Variants in PJA2 observed in about 807,000 individuals in gnomAD.
PJA2 encodes E3 ubiquitin-protein ligase Praja-2.
Under a neutral mutation model 69.3 loss-of-function variants are expected in PJA2, and 25 were observed. The observed-to-expected ratio is 0.36, with a 90% confidence interval of 0.26 to 0.50. The LOEUF is 0.50. Ranked by LOEUF, PJA2 falls within the 20% of genes least tolerant of loss-of-function variation. The probability of loss-of-function intolerance (pLI) is 0.96; values close to 1 mark genes in which losing one functional copy is unlikely to be tolerated. For missense variants in PJA2, 809 were observed against 830.2 expected, an observed-to-expected ratio of 0.97 and a Z score of 0.31; for synonymous variants, 308 against 277.8, an observed-to-expected ratio of 1.11 and a Z score of -1.08.
rs531982146 is a variant in PJA2 at position 109,337,321 on chromosome 5, T to C, written c.2037A>G (p.Pro679=). 86 of 1,612,050 alleles carry C rather than the reference T, an allele frequency of 5.3e-5. No individual in the cohort carries two copies. In the South Asian group the frequency reaches 9.2e-4, roughly 17 times the overall value. The change falls in exon 10 of 10, where the codon CCA becomes CCG. Residue 679 remains proline (P), a synonymous_variant. Coordinates refer to ENST00000361189, the MANE Select transcript of PJA2 (RefSeq NM_014819.5). ...GTCPVCRRHF[P]PAVIEASAAP... ...CTGCAGATGCTTCAATAACCGCAGGTGGGAAATGACGGCGGCACACAGGGC... is the reference window on the plus strand; with the variant it reads ...CTGCAGATGCTTCAATAACCGCAGGCGGGAAATGACGGCGGCACACAGGGC...
chr5:109,408,477 G>T lies in PJA2; in HGVS notation c.-88+1365C>A, dbSNP rs1279580101. ...TAAAAAGTAAAAATGTCCAACATAT[G>T]TAATTAAGTCAATAAGCAAGCGGTA... On this transcript the variant is annotated intron_variant, in intron 1 of 9. Transcript: ENST00000361189. 5.9e-5 allele frequency among the ~76,000 whole-genome samples: 9 copies of T among 152,076 alleles called. No homozygotes were observed. In the South Asian group the frequency reaches 8.3e-4, roughly 14 times the overall value.
intron 4 of PJA2, among the ~76,000 whole-genome samples, chr5:109,374,635 G>T (rs1746807891): frequency 6.6e-6 from 1 of 152,242 alleles, no homozygotes; most frequent in Admixed American, 6.5e-5. Context: ...CAACTAAATG[G>T]CTAACAATCA....
rs548451103 is a variant in PJA2 at position 109,395,276 on chromosome 5, A to G, written c.-87-11756T>C. On this transcript the variant is annotated intron_variant, in intron 1 of 9. Transcript: ENST00000361189. The stretch of plus-strand genomic sequence containing the variant: ...GCTGGGCCCAGTGGCTCATGCCTGC[A>G]ATTCCAGCACTTTGGGATGAAGAAG... Among the ~76,000 whole-genome samples, 31 of 152,370 alleles carry G rather than the reference A, an allele frequency of 2.0e-4. No homozygotes were observed. In the South Asian group the frequency reaches 6.4e-3, roughly 32 times the overall value.
rs548867656 is a variant in PJA2 at position 109,398,717 on chromosome 5, G to A, written c.-88+11125C>T. 4.6e-5 allele frequency among the ~76,000 whole-genome samples: 7 copies of A among 151,648 alleles called. No homozygotes were observed. The East Asian group carries it at 9.7e-4, about 21-fold the overall frequency. On this transcript the variant is annotated intron_variant, in intron 1 of 9. Coordinates refer to ENST00000361189, the MANE Select transcript of PJA2 (RefSeq NM_014819.5). ...GGTGCAGCACACCAACACGGCACAT[G>A]TATACATATGTAACAAACCTGCACA...
chr5:109,384,487 G>A (rs1485146920), intron 1 of PJA2, among the ~76,000 whole-genome samples: 3 of 152,022 alleles, frequency 2.0e-5, no homozygotes, highest in Non-Finnish European at 2.9e-5. Flanking sequence ...TGCAACCTGT[G>A]GTTTTTTTGA....
chr5:109,376,685 C>T (rs1746895935), intron 4 of PJA2, among the ~76,000 whole-genome samples: 1 of 151,888 alleles, frequency 6.6e-6, no homozygotes, highest in African/African-American at 2.4e-5. Context: ...TTATCAAAGA[C>T]TGTAAGTTTT....
intron 1 of PJA2, among the ~76,000 whole-genome samples, chr5:109,394,433 A>G (rs543097277): frequency 6.6e-6 from 1 of 152,326 alleles, no homozygotes; most frequent in Admixed American, 6.5e-5. Flanking sequence ...TTATAAGCAC[A>G]GTGCAATAAA....
chr5:109,367,806 C>T (rs1177841558), intron 5 of PJA2, among the ~76,000 whole-genome samples: 1 of 152,164 alleles, frequency 6.6e-6, no homozygotes, highest in East Asian at 1.9e-4. Context: ...AATTATAGAA[C>T]AATTCTTCAT....
chr5:109,354,517 T>G (rs1415292058), intron 7 of PJA2, among the ~76,000 whole-genome samples: 2 of 41,262 alleles, frequency 4.8e-5, no homozygotes, highest in Admixed American at 2.2e-4. Flanking sequence ...TCTATATCGA[T>G]ATTAGATATC....
intron 1 of PJA2, among the ~76,000 whole-genome samples, chr5:109,405,513 A>T (rs1026827368): frequency 6.6e-6 from 1 of 152,246 alleles, no homozygotes; most frequent in South Asian, 2.1e-4. Context: ...TTCAATACTT[A>T]TAAGTAAAAA....
chr5:109,380,669 G>A lies in PJA2; in HGVS notation c.232+834C>T, dbSNP rs184528077. ...CCAAAAAATACAAAAATTAGGCGTG[G>A]AGGCGCATGCCTGTAGTCCCAGCTA... On this transcript the variant is annotated intron_variant, in intron 3 of 9. Coordinates refer to ENST00000361189, the MANE Select transcript of PJA2 (RefSeq NM_014819.5). 2.5e-4 allele frequency among the ~76,000 whole-genome samples: 38 copies of A among 151,910 alleles called. 1 individual carries two copies. In the East Asian group the frequency reaches 6.2e-3, roughly 25 times the overall value.
chr5:109,409,187 G>A (rs1445442879), intron 1 of PJA2: 1 of 151,790 alleles, frequency 6.6e-6, no homozygotes, highest in Non-Finnish European at 1.5e-5. Flanking sequence ...TCTGCAAGAG[G>A]AGCTCTGGCC....
intron 4 of PJA2, among the ~76,000 whole-genome samples, chr5:109,374,485 A>C (rs1746787562): frequency 2.0e-5 from 3 of 151,634 alleles, no homozygotes; most frequent in Admixed American, 1.3e-4. Context: ...CACAATAATA[A>C]ATACGTATAT....
intron 5 of PJA2, among the ~76,000 whole-genome samples, chr5:109,366,552 T>G (rs1762588011): frequency 6.6e-6 from 1 of 152,244 alleles, no homozygotes; most frequent in Non-Finnish European, 1.5e-5. Flanking sequence ...CTTCATCATT[T>G]ACCTTCTTTC....
intron 1 of PJA2, among the ~76,000 whole-genome samples, chr5:109,396,912 T>C (rs542694110): frequency 6.3e-4 from 96 of 152,156 alleles, no homozygotes; most frequent in Non-Finnish European, 1.3e-3. Context: ...TTGAGACATA[T>C]AAGAAAATTT....
chr5:109,400,344 A>T (rs1747511132), intron 1 of PJA2, among the ~76,000 whole-genome samples: 2 of 152,000 alleles, frequency 1.3e-5, no homozygotes, highest in Non-Finnish European at 2.9e-5. Context: ...CTAGATAAAA[A>T]GTGATTTAAC....
chr5:109,362,215 G>A (rs1386404723), intron 6 of PJA2, among the ~76,000 whole-genome samples: 2 of 152,134 alleles, frequency 1.3e-5, no homozygotes, highest in Non-Finnish European at 2.9e-5. Context: ...TGCTTTCAGT[G>A]GGCTACTATA....
At chr5:109,396,031 G>C (rs1249710766) in intron 1 of PJA2, among the ~76,000 whole-genome samples, 1 of 151,138 alleles carries the variant, frequency 6.6e-6, no homozygotes, top group Non-Finnish European at 1.5e-5. Flanking sequence ...AAAAGAAATG[G>C]CCAGACAAGC....
intron 1 of PJA2, among the ~76,000 whole-genome samples, chr5:109,385,908 C>G (rs1191765173): frequency 6.6e-6 from 1 of 152,116 alleles, no homozygotes; most frequent in African/African-American, 2.4e-5. Flanking sequence ...CACACACAGT[C>G]TGAAAGTAAT....
Sources: allele counts gnomAD v4.1 joint callset (sites outside exome capture counted in the v4.1 genomes callset), GRCh38; gene constraint gnomAD v4.1.1; transcripts MANE v1.5; gene names NCBI Gene and HGNC (gene_info 2026-07-23, HGNC 2026-07-21).